Variants in GRIK1 observed in about 807,000 individuals in gnomAD.
The protein encoded by GRIK1 is glutamate ionotropic receptor kainate type subunit 1, also known as glutamate receptor ionotropic, kainate 1.
A neutral mutation model predicts 105.7 loss-of-function variants in GRIK1; 69 were observed. The ratio of observed to expected loss-of-function variants is 0.65; its 90% CI spans 0.54 to 0.80. The LOEUF (loss-of-function observed/expected upper bound fraction) is 0.80. GRIK1 is among the 30% of genes least tolerant of loss of function. The pLI is 0.00. For missense variants in GRIK1, 1,109 were observed against 1,167.3 expected, an observed-to-expected ratio of 0.95 and a Z score of 0.73; for synonymous variants, 438 against 431.3, an observed-to-expected ratio of 1.02 and a Z score of -0.19.
At chr21:29,711,917 C>T (rs570854861) in intron 1 of GRIK1, among the ~76,000 whole-genome samples, 439 of 151,438 alleles carry the variant, frequency 2.9e-3, no homozygotes, top group African/African-American at 0.01. Flanking sequence ...TGAAATTTTT[C>T]TTTTTTGAAA....
intron 1 of GRIK1, among the ~76,000 whole-genome samples, chr21:29,874,058 G>A (rs1329505838): frequency 2.0e-5 from 3 of 152,152 alleles, no homozygotes; most frequent in Non-Finnish European, 2.9e-5. Flanking sequence ...GAGCTCAGGC[G>A]ATACTGCGAG....
At chr21:29,727,627 C>G (rs2064502732) in intron 1 of GRIK1, among the ~76,000 whole-genome samples, 1 of 152,188 alleles carries the variant, frequency 6.6e-6, no homozygotes, top group Non-Finnish European at 1.5e-5. Flanking sequence ...ATAATAGTTT[C>G]TATTCTCTCT....
At chr21:29,933,382 A>C (rs991374507) in intron 1 of GRIK1, among the ~76,000 whole-genome samples, 18 of 152,182 alleles carry the variant, frequency 1.2e-4, no homozygotes, top group African/African-American at 4.1e-4. Flanking sequence ...GCATGAGTTG[A>C]GTGGGACATT....
At chr21:29,823,527 CTG>C (rs1221842115) in intron 1 of GRIK1, among the ~76,000 whole-genome samples, 9 of 151,738 alleles carry the variant, frequency 5.9e-5, no homozygotes, top group South Asian at 2.1e-4. Context: ...TTTCTTGAAA[CTG>C]GATATGAAAA....
chr21:29,590,022 A>C (rs2061310387), intron 10 of GRIK1, among the ~76,000 whole-genome samples: 1 of 152,196 alleles, frequency 6.6e-6, no homozygotes, highest in African/African-American at 2.4e-5. Flanking sequence ...TCTCCTATAA[A>C]TAATGGACAC....
At chr21:29,923,986 A>G (rs2071271087) in intron 1 of GRIK1, among the ~76,000 whole-genome samples, 2 of 152,178 alleles carry the variant, frequency 1.3e-5, no homozygotes, top group Admixed American at 1.3e-4. Flanking sequence ...TTAGGAAAAC[A>G]AGAGTACAAA....
At chr21:29,809,686 A>G (rs1601752869) in intron 1 of GRIK1, among the ~76,000 whole-genome samples, 1 of 152,170 alleles carries the variant, frequency 6.6e-6, no homozygotes, top group African/African-American at 2.4e-5. Flanking sequence ...AACTTGACTA[A>G]TTGGTGCAAG....
chr21:29,879,139 G>A (rs1202850363), intron 1 of GRIK1, among the ~76,000 whole-genome samples: 1 of 152,104 alleles, frequency 6.6e-6, no homozygotes, highest in Non-Finnish European at 1.5e-5. Context: ...AATGGAATTA[G>A]GCAGCATAGA....
At position 29,679,184 on chromosome 21, in the gene GRIK1, G is replaced by GT. The variant is rs745622375; in HGVS notation, c.545-6021dup. On this transcript the variant is annotated intron_variant, in intron 3 of 17. Transcript: ENST00000327783. The stretch of plus-strand genomic sequence containing the variant: ...TGTATGTTTTCTCCCAGGGTTGATT[G>GT]TTTTTTTCAATCACTGCCACTGTTA... Among the ~76,000 whole-genome samples the GT allele has an allele frequency of 4.0e-5, 6 of 151,892 alleles. No homozygotes were observed. The East Asian group carries it at 7.7e-4, about 20-fold the overall frequency.
intron 1 of GRIK1, among the ~76,000 whole-genome samples, chr21:29,779,764 A>G (rs191387334): frequency 1.3e-5 from 2 of 152,216 alleles, no homozygotes; most frequent in Non-Finnish European, 2.9e-5. Flanking sequence ...TTACTATGTG[A>G]TAATATCGTT....
intron 2 of GRIK1, among the ~76,000 whole-genome samples, chr21:29,693,091 G>A (rs1035697599): frequency 6.6e-6 from 1 of 152,140 alleles, no homozygotes; most frequent in Admixed American, 6.5e-5. Flanking sequence ...AGTAGGCAAG[G>A]ATTCCTCTCT....
chr21:29,672,206 C>A (rs2063173096), intron 4 of GRIK1, among the ~76,000 whole-genome samples: 1 of 151,822 alleles, frequency 6.6e-6, no homozygotes, highest in South Asian at 2.1e-4. Flanking sequence ...TACAGGCATG[C>A]ACCACCATGC....
At chr21:29,630,814 C>A (rs2062251266) in intron 7 of GRIK1, 1 of 356,810 alleles carries the variant, frequency 2.8e-6, no homozygotes, top group Non-Finnish European at 5.5e-6. Context: ...GTTTTTGAGA[C>A]AGGCTCTCTT....
At chr21:29,705,130 T>G (rs193018148) in intron 1 of GRIK1, among the ~76,000 whole-genome samples, 12 of 152,244 alleles carry the variant, frequency 7.9e-5, no homozygotes, top group African/African-American at 2.2e-4. Flanking sequence ...TTTCTTCTTC[T>G]GTATTTCTGT....
chr21:29,650,537 G>T (rs2062710149), intron 6 of GRIK1, among the ~76,000 whole-genome samples: 1 of 152,214 alleles, frequency 6.6e-6, no homozygotes, highest in Admixed American at 6.5e-5. Context: ...AGTTCGCAAT[G>T]TATCTGTTCA....
rs543022345 is a variant in GRIK1, at chr21:29,648,932, A to G, written c.954+2186T>C. Among the ~76,000 whole-genome samples, 9 of 152,306 alleles carry G rather than the reference A, an allele frequency of 5.9e-5. No homozygotes were observed. In the East Asian group the frequency reaches 1.7e-3, roughly 29 times the overall value. On this transcript the variant is annotated intron_variant, in intron 6 of 17. Transcript: ENST00000327783. ...GACCCAATGAAACTGAAACCAAAGG[A>G]CTTTTTATCTTTAACGTAGAGAAGA...
chr21:29,792,396 G>C (rs908010745), intron 1 of GRIK1, among the ~76,000 whole-genome samples: 1 of 152,144 alleles, frequency 6.6e-6, no homozygotes, highest in African/African-American at 2.4e-5. Context: ...TGGGTGAGGT[G>C]AGAAAATTAC....
intron 16 of GRIK1, among the ~76,000 whole-genome samples, chr21:29,551,675 G>A (rs895477832): frequency 6.6e-6 from 1 of 152,112 alleles, no homozygotes; most frequent in Non-Finnish European, 1.5e-5. Flanking sequence ...CCAAATCTCT[G>A]AATTACACTT....
At chr21:29,786,617 G>T (rs2066267800) in intron 1 of GRIK1, among the ~76,000 whole-genome samples, 1 of 152,132 alleles carries the variant, frequency 6.6e-6, no homozygotes, top group Non-Finnish European at 1.5e-5. Context: ...AATGTACACA[G>T]AAAAGTCTCT....
Sources: allele counts gnomAD v4.1 joint callset (sites outside exome capture counted in the v4.1 genomes callset), GRCh38; gene constraint gnomAD v4.1.1; transcripts MANE v1.5; gene names NCBI Gene and HGNC (gene_info 2026-07-23, HGNC 2026-07-21).